Variants in RECQL5 observed in about 807,000 individuals in gnomAD.
RECQL5 encodes the protein ATP-dependent DNA helicase Q5.
Under a neutral mutation model 103.4 loss-of-function variants are expected in RECQL5, and 88 were observed. The observed-to-expected ratio is 0.85, with a 90% confidence interval of 0.72 to 1.02. RECQL5 has a LOEUF of 1.02. Among genes scored for constraint, RECQL5 ranks in the 50% least tolerant of loss-of-function variants. The pLI is 0.00. For missense variants in RECQL5, 1,232 were observed against 1,284.3 expected (o/e 0.96, Z 0.62); for synonymous variants, 552 against 507.9 (o/e 1.09, Z -1.17).
intron 8 of RECQL5, chr17:75,637,300 T>G (rs1355715851): frequency 6.6e-6 from 1 of 152,330 alleles, no homozygotes; most frequent in Non-Finnish European, 1.5e-5. Context: ...CTGGGCTACA[T>G]TAGGCCGTGT....
At chr17:75,651,509 A>G (rs566966585) in intron 7 of RECQL5, among the ~76,000 whole-genome samples, 1 of 152,330 alleles carries the variant, frequency 6.6e-6, no homozygotes, top group Non-Finnish European at 1.5e-5. Flanking sequence ...CTGTAGTCCC[A>G]GCTACTTGGG....
At chr17:75,634,115 G>T in intron 8 of RECQL5, 1 of 985,596 alleles carries the variant, frequency 1.0e-6, no homozygotes, top group African/African-American at 1.7e-5. Context: ...CAGGGGAGCA[G>T]CGGCGCCCAC....
In RECQL5 at chr17:75,661,058, C is replaced by G. The variant is rs2059692173; in HGVS notation, c.883G>C (p.Ala295Pro). ...NAKAYHAGLKASERTLVQNDW... is the reference protein window; with the variant it reads ...NAKAYHAGLKPSERTLVQNDW... ...TTCTGCACCAGCGTTCTTTCAGAGG[C>G]CTTCAGCCCTGTAAAGGAGGGGAAG... is the stretch of plus-strand genomic sequence containing the variant. The change falls in exon 6 of 20, where the codon GCC becomes CCC. Residue 295 changes from alanine (A) to proline (P), a missense_variant. By Grantham distance (27) the Ala-to-Pro change is conservative. Transcript: ENST00000317905. 1 of 1,613,558 alleles carries G rather than the reference C, an allele frequency of 6.2e-7. No homozygotes were observed. Among genetic ancestry groups the G allele is most frequent in the Non-Finnish European group, 8.5e-7 (1 of 1,179,446 alleles).
Position 75,627,418 on chromosome 17 carries a change from T to C in RECQL5, c.*4A>G, listed in dbSNP as rs376185235. Reference sequence around the variant, plus strand: ...GACGCGGGCCCTGCCCAGCCAGCAGTTGGTCATCTCTGGGGGCCACACAGG... The same window carrying C: ...GACGCGGGCCCTGCCCAGCCAGCAGCTGGTCATCTCTGGGGGCCACACAGG... On this transcript the variant is annotated 3_prime_UTR_variant, in exon 20 of 20. Transcript: ENST00000317905. The C allele has an allele frequency of 1.2e-5, 19 of 1,611,808 alleles. No individual in the cohort carries two copies. The highest frequency in any genetic ancestry group is 1.5e-5 in the Non-Finnish European group (18 of 1,178,720).
intron 8 of RECQL5, chr17:75,647,683 T>G: frequency 1.0e-6 from 1 of 972,108 alleles, no homozygotes; most frequent in Non-Finnish European, 1.5e-6. Flanking sequence ...GTGTCTTCCT[T>G]TCCCATCAGG....
chr17:75,640,985 C>G lies in RECQL5; in HGVS notation c.1230-9317G>C. The G allele has an allele frequency of 6.7e-7, 1 of 1,502,096 alleles. No individual in the cohort carries two copies. Among genetic ancestry groups the G allele is most frequent in the Non-Finnish European group, 8.9e-7 (1 of 1,122,560 alleles). The allele number at this position is 1,502,096 out of a possible 1,614,324, so 93.0% of individuals were successfully genotyped here. A position where few individuals can be genotyped will look rare whatever the true frequency, so the allele number is the denominator to read the frequency against. ...CAGCCTGGCCCTGCAGCCCTTACCC[C>G]TCAAGACCAGGCTCCCCTGGCCCCA... On this transcript the variant is annotated intron_variant, in intron 8 of 19. Transcript: ENST00000317905. The surrounding 1 kb of genome is among the most constrained non-coding windows in gnomAD (Gnocchi z 4.6).
intron 8 of RECQL5, among the ~76,000 whole-genome samples, chr17:75,645,226 T>A (rs1406120350): frequency 6.6e-6 from 1 of 152,272 alleles, no homozygotes; most frequent in Non-Finnish European, 1.5e-5. Context: ...CATGTCTGCA[T>A]CTTTTTCAAC....
intron 1 of RECQL5, chr17:75,666,778 GAA>G: frequency 1.8e-6 from 1 of 554,600 alleles, no homozygotes; most frequent in East Asian, 3.2e-5. Context: ...CAATGAAAAT[GAA>G]AACATTGAAC....
chr17:75,665,270 T>C, intron 2 of RECQL5, 98 bp from the exon 3 acceptor site: 4 of 1,117,728 alleles, frequency 3.6e-6, no homozygotes, highest in Non-Finnish European at 5.2e-6. Context: ...CCTAGCAGAG[T>C]GTCTGGCACA....
chr17:75,649,109 A>G (rs893445241), intron 8 of RECQL5: 1 of 152,250 alleles, frequency 6.6e-6, no homozygotes, highest in African/African-American at 2.4e-5. Context: ...GTAAACACAC[A>G]GAGAAACAAG....
intron 8 of RECQL5, chr17:75,635,928 C>T: frequency 1.1e-6 from 1 of 913,516 alleles, no homozygotes; most frequent in South Asian, 5.0e-5. Context: ...AGCTGTCTGG[C>T]CTGCGGGATG....
intron 8 of RECQL5, chr17:75,650,936 A>G: frequency 6.9e-7 from 1 of 1,447,256 alleles, no homozygotes; most frequent in East Asian, 2.5e-5. Context: ...GCCATCCCAG[A>G]AGAGGGTGGA....
intron 8 of RECQL5, among the ~76,000 whole-genome samples, chr17:75,643,995 A>G (rs565768313): frequency 8.5e-5 from 13 of 152,210 alleles, no homozygotes; most frequent in South Asian, 2.1e-4. Context: ...CTGTCTGTAC[A>G]TCATGCCTGA....
chr17:75,640,460 G>A lies in RECQL5; in HGVS notation c.1230-8792C>T. On this transcript the variant is annotated intron_variant, in intron 8 of 19. Transcript: ENST00000317905. The surrounding 1 kb of genome is among the most constrained non-coding windows in gnomAD (Gnocchi z 4.6). ...AAGGAGGAAAACCAGTTGTCCCTTGGGGGAAGCCAAGGGACTTCCCTCATC... is the reference window on the plus strand; with the variant it reads ...AAGGAGGAAAACCAGTTGTCCCTTGAGGGAAGCCAAGGGACTTCCCTCATC... 3.6e-6 allele frequency: 5 copies of A among 1,377,528 alleles called. No homozygotes were observed. The highest frequency in any genetic ancestry group is 5.8e-5 in the Admixed American group (2 of 34,420). The allele number at this position is 1,377,528 out of a possible 1,614,324, so 85.3% of individuals were successfully genotyped here. A position where few individuals can be genotyped will look rare whatever the true frequency, so the allele number is the denominator to read the frequency against.
At chr17:75,643,002 C>A (rs904654823) in intron 8 of RECQL5, among the ~76,000 whole-genome samples, 6 of 152,230 alleles carry the variant, frequency 3.9e-5, no homozygotes, top group Admixed American at 3.9e-4. Flanking sequence ...CCCAAAACAC[C>A]CACACCCCAA....
At chr17:75,659,799 AT>A (rs1432885710) in intron 6 of RECQL5, among the ~76,000 whole-genome samples, 2 of 152,366 alleles carry the variant, frequency 1.3e-5, no homozygotes, top group Admixed American at 6.5e-5. Context: ...ACAAGGTATT[AT>A]TATTTGTCGT....
Position 75,665,029 on chromosome 17 carries a change from T to A in RECQL5, c.252+22A>T, listed in dbSNP as rs777577264. The stretch of plus-strand genomic sequence containing the variant: ...TTCCCCGAATCTTTTTGGGCTACCA[T>A]CTTCATTGCCCTAAGCCTCACCTGA... On this transcript the variant is annotated intron_variant, in intron 3 of 19. Transcript: ENST00000317905. The A allele has an allele frequency of 2.8e-5, 42 of 1,523,040 alleles. 1 individual carries two copies. In the South Asian group the frequency reaches 4.3e-4, roughly 16 times the overall value. The allele number at this position is 1,523,040 out of a possible 1,614,324, so 94.3% of individuals were successfully genotyped here. A position where few individuals can be genotyped will look rare whatever the true frequency, so the allele number is the denominator to read the frequency against.
At position 75,640,288 on chromosome 17, in the gene RECQL5, C is replaced by T. The variant is rs117954398; in HGVS notation, c.1230-8620G>A. On this transcript the variant is annotated intron_variant, in intron 8 of 19. Coordinates refer to ENST00000317905, the MANE Select transcript of RECQL5 (RefSeq NM_004259.7). This position sits in a 1 kb window ranked among gnomAD's most constrained non-coding sequence, Gnocchi z 4.6. ...TGCAGAGACTGCCCCAGGCTGAGCC[C>T]GTGGAGATCGTGGCCTTCTCAGTCA... 0.015 allele frequency: 23,122 copies of T among 1,551,038 alleles called. 226 individuals carry two copies. The highest frequency in any genetic ancestry group is 0.017 in the Non-Finnish European group (19,712 of 1,146,662).
intron 7 of RECQL5, among the ~76,000 whole-genome samples, chr17:75,654,613 ATTTG>A (rs1206262661): frequency 5.3e-5 from 8 of 151,350 alleles, no homozygotes; most frequent in Non-Finnish European, 1.0e-4. Flanking sequence ...TTGCATTTTT[ATTTG>A]TTTATTTATT....
Sources: allele counts gnomAD v4.1 joint callset (sites outside exome capture counted in the v4.1 genomes callset), GRCh38; gene constraint gnomAD v4.1.1; non-coding constraint Gnocchi (gnomAD v3.1); transcripts MANE v1.5; gene names NCBI Gene and HGNC (gene_info 2026-07-23, HGNC 2026-07-21).